The following RARB variants were observed in gnomAD, a reference collection of about 807,000 sequenced individuals.
The protein encoded by RARB is HBV-activated protein.
A neutral mutation model predicts 51.9 loss-of-function variants in RARB; 17 were observed. The ratio of observed to expected loss-of-function variants is 0.33; its 90% CI spans 0.22 to 0.49. The LOEUF (loss-of-function observed/expected upper bound fraction) is 0.49. RARB is among the 20% of genes least tolerant of loss of function. The pLI, the probability that RARB is intolerant of heterozygous loss-of-function variation, is 0.99. For synonymous variants in RARB, 215 were observed against 195.4 expected (o/e 1.10, Z -0.84); for missense variants, 369 against 550.8 (o/e 0.67, Z 3.30).
chr3:25,032,596 G>C (rs1433610612), intron 2 of RARB, among the ~76,000 whole-genome samples: 1 of 152,186 alleles, frequency 6.6e-6, no homozygotes, highest in Non-Finnish European at 1.5e-5. Context: ...TCTCCTATCA[G>C]ATTGGCTGAG....
At chr3:25,008,747 C>G (rs1045515384) in intron 2 of RARB, among the ~76,000 whole-genome samples, 15 of 152,232 alleles carry the variant, frequency 9.9e-5, no homozygotes, top group African/African-American at 3.6e-4. Flanking sequence ...TTCCCTATCT[C>G]CTCAACCCTG....
chr3:25,029,411 G>T (rs1256742133), intron 2 of RARB, among the ~76,000 whole-genome samples: 1 of 152,204 alleles, frequency 6.6e-6, no homozygotes, highest in African/African-American at 2.4e-5. Context: ...TAAATTGAGT[G>T]AATTGGTCTT....
chr3:25,012,849 CG>C (rs1400441952), intron 2 of RARB, among the ~76,000 whole-genome samples: 1 of 151,910 alleles, frequency 6.6e-6, no homozygotes, highest in Non-Finnish European at 1.5e-5. Flanking sequence ...AACTGAAAGA[CG>C]GAAATAATAA....
intron 2 of RARB, among the ~76,000 whole-genome samples, chr3:25,037,316 G>T (rs577121320): frequency 2.0e-5 from 3 of 150,592 alleles, no homozygotes; most frequent in East Asian, 3.9e-4. Context: ...AGTTTTAGTC[G>T]CTGTTCTTCT....
At chr3:25,118,041 C>G (rs529597657) in intron 3 of RARB, among the ~76,000 whole-genome samples, 3 of 152,210 alleles carry the variant, frequency 2.0e-5, no homozygotes, top group Non-Finnish European at 4.4e-5. Context: ...AGATAGGAGG[C>G]AAACATGATT....
intron 3 of RARB, among the ~76,000 whole-genome samples, chr3:25,564,438 C>T (rs1295813326): frequency 2.6e-5 from 4 of 152,204 alleles, no homozygotes; most frequent in African/African-American, 9.7e-5. Flanking sequence ...AATGCCCCAC[C>T]TGCTTCATCA....
At chr3:25,216,583 G>C (rs945980426) in intron 5 of RARB, among the ~76,000 whole-genome samples, 23 of 151,976 alleles carry the variant, frequency 1.5e-4, no homozygotes, top group African/African-American at 4.6e-4. Context: ...GGGCCTATTG[G>C]GGGGTGGGGG....
At chr3:24,896,682 A>G (rs1388204525) in intron 2 of RARB, among the ~76,000 whole-genome samples, 4 of 152,156 alleles carry the variant, frequency 2.6e-5, no homozygotes, top group Admixed American at 2.0e-4. Flanking sequence ...TTTGTGTTGT[A>G]TATTTTGATA....
intron 5 of RARB, among the ~76,000 whole-genome samples, chr3:25,206,525 C>T (rs1360357344): frequency 6.6e-6 from 1 of 152,090 alleles, no homozygotes; most frequent in Non-Finnish European, 1.5e-5. Context: ...CATTTTGAAC[C>T]TTTCGAGAAA....
chr3:25,353,832 A>G (rs1339780740), intron 5 of RARB, among the ~76,000 whole-genome samples: 6 of 152,108 alleles, frequency 3.9e-5, no homozygotes, highest in African/African-American at 7.2e-5. Flanking sequence ...AAGTGGTTCT[A>G]TACTATCATC....
chr3:25,529,862 C>A (rs892185168), intron 3 of RARB, among the ~76,000 whole-genome samples: 5 of 152,062 alleles, frequency 3.3e-5, no homozygotes, highest in Admixed American at 2.0e-4. Context: ...TTATGTATAA[C>A]TTATATTCTT....
chr3:25,227,961 G>T (rs551834262), intron 5 of RARB, among the ~76,000 whole-genome samples: 25 of 152,142 alleles, frequency 1.6e-4, no homozygotes, highest in African/African-American at 5.8e-4. Flanking sequence ...AATAGACATT[G>T]CCTCTATGTC....
intron 2 of RARB, among the ~76,000 whole-genome samples, chr3:25,046,610 T>A (rs906648547): frequency 2.0e-5 from 3 of 151,978 alleles, no homozygotes; most frequent in African/African-American, 7.2e-5. Context: ...CACACCACCA[T>A]GCTCAGCTAA....
chr3:24,843,771 G>A (rs137868112), intron 1 of RARB, among the ~76,000 whole-genome samples: 70 of 152,232 alleles, frequency 4.6e-4, no homozygotes, highest in Non-Finnish European at 1.5e-5. Flanking sequence ...CAGGTAATTC[G>A]TGTGCACAGC....
At chr3:25,502,065 G>C (rs768005516) in intron 3 of RARB, among the ~76,000 whole-genome samples, 1 of 152,204 alleles carries the variant, frequency 6.6e-6, no homozygotes, top group Non-Finnish European at 1.5e-5. Context: ...AGCAGGCATA[G>C]GGAGGTCATG....
At chr3:25,146,649 C>T (rs1215782801) in intron 4 of RARB, among the ~76,000 whole-genome samples, 7 of 151,554 alleles carry the variant, frequency 4.6e-5, no homozygotes, top group Non-Finnish European at 5.9e-5. Context: ...CTGGGACTAG[C>T]GCCTGCCACC....
At chr3:25,378,542 G>A (rs569710264) in intron 5 of RARB, among the ~76,000 whole-genome samples, 1 of 152,266 alleles carries the variant, frequency 6.6e-6, no homozygotes, top group East Asian at 1.9e-4. Flanking sequence ...TCATCCAGAA[G>A]GCTAGAAGAT....
chr3:24,993,332 A>C (rs1696953587), intron 2 of RARB, among the ~76,000 whole-genome samples: 1 of 152,152 alleles, frequency 6.6e-6, no homozygotes, highest in Non-Finnish European at 1.5e-5. Flanking sequence ...AAATTGACTT[A>C]TTAATATGGC....
intron 5 of RARB, among the ~76,000 whole-genome samples, chr3:25,197,856 C>A (rs910182761): frequency 6.6e-6 from 1 of 151,944 alleles, no homozygotes; most frequent in Non-Finnish European, 1.5e-5. Context: ...CTTCATACTA[C>A]GCGAAGCAAT....
Sources: allele counts gnomAD v4.1 joint callset (sites outside exome capture counted in the v4.1 genomes callset), GRCh38; gene constraint gnomAD v4.1.1; transcripts MANE v1.5; gene names NCBI Gene and HGNC (gene_info 2026-07-23, HGNC 2026-07-21).